Variants in TMEM135 observed in about 807,000 individuals in gnomAD.
TMEM135 encodes the protein transmembrane protein 135, also known as peroxisomal membrane protein 52.
TMEM135 carries 30 observed loss-of-function variants against 60.3 expected under a neutral mutation model. The observed-to-expected ratio is 0.50, with a 90% CI of 0.37 to 0.68. TMEM135 has a LOEUF of 0.68. Among genes scored for constraint, TMEM135 ranks in the 30% least tolerant of loss-of-function variants. TMEM135 has a pLI of 0.00. For synonymous variants in TMEM135, 190 were observed against 186.7 expected (o/e 1.02, Z -0.14); for missense variants, 468 against 548.8 (o/e 0.85, Z 1.47).
intron 4 of TMEM135, among the ~76,000 whole-genome samples, chr11:87,126,329 A>G (rs919788638): frequency 1.3e-5 from 2 of 152,126 alleles, no homozygotes; most frequent in African/African-American, 4.8e-5. Flanking sequence ...ATAAATGTAT[A>G]TTTATATGTA....
chr11:87,183,176 TC>T (rs1220476600), intron 5 of TMEM135, among the ~76,000 whole-genome samples: 3 of 140,368 alleles, frequency 2.1e-5, no homozygotes, highest in Non-Finnish European at 3.0e-5. Context: ...AGAGTCTTGC[TC>T]TGTCGCCCAG....
intron 5 of TMEM135, among the ~76,000 whole-genome samples, chr11:87,211,240 A>G (rs969792477): frequency 7.9e-5 from 12 of 152,234 alleles, no homozygotes; most frequent in South Asian, 6.2e-4. Flanking sequence ...TTAGAATATG[A>G]AATTTTAATG....
chr11:87,288,411 A>G (rs1251329736), intron 6 of TMEM135, among the ~76,000 whole-genome samples: 1 of 152,188 alleles, frequency 6.6e-6, no homozygotes, highest in African/African-American at 2.4e-5. Context: ...AGTTTTATAA[A>G]ATGATAAGCA....
chr11:87,193,425 C>A (rs573690252), intron 5 of TMEM135, among the ~76,000 whole-genome samples: 2 of 152,220 alleles, frequency 1.3e-5, no homozygotes, highest in East Asian at 1.9e-4. Flanking sequence ...TTGTAATCTG[C>A]AAAATTTTCA....
At chr11:87,054,572 A>G (rs1457543767) in intron 1 of TMEM135, among the ~76,000 whole-genome samples, 1 of 152,140 alleles carries the variant, frequency 6.6e-6, no homozygotes, top group Non-Finnish European at 1.5e-5. Flanking sequence ...AGAATGCTGA[A>G]TTTTTTCAAC....
chr11:87,218,163 CCTT>C (rs1940542337), intron 5 of TMEM135, among the ~76,000 whole-genome samples: 1 of 152,006 alleles, frequency 6.6e-6, no homozygotes, highest in Non-Finnish European at 1.5e-5. Context: ...ACAAGACAGC[CCTT>C]CTTCCCTGCC....
chr11:87,109,695 TC>T lies in TMEM135; in HGVS notation c.396+18301del, dbSNP rs199741148. On this transcript the variant is annotated intron_variant, in intron 4 of 14. Transcript: ENST00000305494. ...GGGGGACTATTATATGTCAGTTTTA[TC>T]TTAATAAACTTAAATTATGTTTGCA... Among the ~76,000 whole-genome samples, 1,124 of 152,354 alleles carry T rather than the reference TC, an allele frequency of 7.4e-3. 14 individuals carry two copies. The highest frequency in any genetic ancestry group is 0.025 in the African/African-American group (1,027 of 41,580).
chr11:87,162,828 C>T (rs924015582), intron 5 of TMEM135, among the ~76,000 whole-genome samples: 2 of 152,254 alleles, frequency 1.3e-5, no homozygotes, highest in Admixed American at 1.3e-4. Context: ...CTAATTTACA[C>T]TTCCACCAAC....
At chr11:87,102,230 C>T (rs1857473721) in intron 4 of TMEM135, among the ~76,000 whole-genome samples, 1 of 152,318 alleles carries the variant, frequency 6.6e-6, no homozygotes, top group South Asian at 2.1e-4. Flanking sequence ...ATCTGTACTT[C>T]CAACTGATCA....
intron 6 of TMEM135, among the ~76,000 whole-genome samples, chr11:87,276,081 T>C (rs1303936164): frequency 6.6e-6 from 1 of 152,194 alleles, no homozygotes; most frequent in Non-Finnish European, 1.5e-5. Context: ...AGAGTATTGC[T>C]TTTGACTCAG....
chr11:87,313,616 A>G (rs1942678635), intron 11 of TMEM135, 128 bp downstream of exon 11: 1 of 831,424 alleles, frequency 1.2e-6, no homozygotes, highest in South Asian at 1.6e-5. Context: ...ATTCCAGTTG[A>G]GGCACTTGTC....
At chr11:87,303,735 G>T (rs1302838548) in intron 8 of TMEM135, among the ~76,000 whole-genome samples, 1 of 152,192 alleles carries the variant, frequency 6.6e-6, no homozygotes, top group Non-Finnish European at 1.5e-5. Context: ...TATGGTAGTT[G>T]AATTTATTAA....
At chr11:87,118,799 A>G (rs1857962509) in intron 4 of TMEM135, among the ~76,000 whole-genome samples, 1 of 152,094 alleles carries the variant, frequency 6.6e-6, no homozygotes, top group Admixed American at 6.5e-5. Flanking sequence ...TATGTTATGG[A>G]GATAGCTTCT....
intron 1 of TMEM135, among the ~76,000 whole-genome samples, chr11:87,039,969 C>T (rs1949736777): frequency 6.6e-6 from 1 of 152,098 alleles, no homozygotes; most frequent in Non-Finnish European, 1.5e-5. Flanking sequence ...TGGGGGTGTT[C>T]AGGAAAAGAG....
In TMEM135 at chr11:87,064,995, T is replaced by C. The variant is rs187534866; in HGVS notation, c.142-2699T>C. 1.2e-4 allele frequency among the ~76,000 whole-genome samples: 19 copies of C among 152,268 alleles called. 1 individual carries two copies. Among genetic ancestry groups the C allele is most frequent in the Non-Finnish European group, 2.2e-4 (15 of 68,014 alleles). ...CTCAGTATAATTCTGTGGAAATTCA[T>C]CAAGGTTGTTTCATATATGCTTTTT... On this transcript the variant is annotated intron_variant, in intron 1 of 14. Transcript: ENST00000305494.
chr11:87,277,956 T>C (rs1011795482), intron 6 of TMEM135, among the ~76,000 whole-genome samples: 1 of 152,258 alleles, frequency 6.6e-6, no homozygotes, highest in South Asian at 2.1e-4. Flanking sequence ...TAAAACATTT[T>C]ATCTATTTTT....
At chr11:87,298,786 C>CA (rs59740138) in intron 7 of TMEM135, among the ~76,000 whole-genome samples, 2,427 of 57,624 alleles carry the variant, frequency 0.042, 132 homozygotes, top group African/African-American at 0.092. Context: ...GACTCTGTCT[C>CA]AAAAAAAAAA....
chr11:87,304,582 A>T (rs1269168827), intron 8 of TMEM135, among the ~76,000 whole-genome samples: 1 of 152,154 alleles, frequency 6.6e-6, no homozygotes, highest in Non-Finnish European at 1.5e-5. Context: ...CATTCTAAAG[A>T]TATAAGGGCT....
At chr11:87,222,367 G>A (rs35707386) in intron 5 of TMEM135, among the ~76,000 whole-genome samples, 5 of 149,290 alleles carry the variant, frequency 3.3e-5, no homozygotes, top group African/African-American at 1.2e-4. Context: ...GCGTGGTGGC[G>A]GGCGCCTGTA....
Sources: allele counts gnomAD v4.1 joint callset (sites outside exome capture counted in the v4.1 genomes callset), GRCh38; gene constraint gnomAD v4.1.1; transcripts MANE v1.5; gene names NCBI Gene and HGNC (gene_info 2026-07-23, HGNC 2026-07-21).